The following ABCA10 variants were observed in gnomAD, a reference collection of about 807,000 sequenced individuals.
ABCA10 encodes the protein ATP binding cassette subfamily A member 10, also known as ATP-binding cassette sub-family A member 10.
Under a neutral mutation model 187.5 loss-of-function variants are expected in ABCA10, and 169 were observed. The observed-to-expected ratio is 0.90, with a 90% CI of 0.80 to 1.02. The LOEUF (loss-of-function observed/expected upper bound fraction) is 1.02. Ranked by LOEUF, ABCA10 falls within the 50% of genes least tolerant of loss-of-function variation. The pLI is 0.00. For missense variants in ABCA10, 1,727 were observed against 1,812.4 expected (o/e 0.95, Z 0.86); for synonymous variants, 574 against 601.8 (o/e 0.95, Z 0.68).
intron 5 of ABCA10, 117 bp downstream of exon 5, chr17:69,221,675 G>T: frequency 2.2e-6 from 2 of 904,724 alleles, no homozygotes; most frequent in Non-Finnish European, 3.2e-6. Flanking sequence ...TTTCTCTGAG[G>T]ATGACAGGCA....
chr17:69,174,392 C>T lies in ABCA10; in HGVS notation c.3051G>A (p.Val1017=), dbSNP rs1315107902. 4 of 1,580,530 alleles carry T rather than the reference C, an allele frequency of 2.5e-6. No individual in the cohort carries two copies. The highest frequency in any genetic ancestry group is 3.4e-6 in the Non-Finnish European group (4 of 1,164,168). The part of the protein sequence containing the change: ...QLSWELMFVL[V]VCIIGCAVSL... ...AAACTGCACAACCAATTATGCATAC[C>T]ACCTGCAAATAATGAGGATCAATGG... is the stretch of plus-strand genomic sequence containing the variant. Residue 1017 remains valine (V), a splice_region_variant and synonymous_variant, in exon 25 of 39, where the codon GTG becomes GTA. Transcript: ENST00000690296.
intron 20 of ABCA10, among the ~76,000 whole-genome samples, chr17:69,184,052 G>A (rs2074401931): frequency 6.6e-6 from 1 of 152,074 alleles, no homozygotes; most frequent in South Asian, 2.1e-4. Flanking sequence ...CCACTTTGCG[G>A]GCTGTGTGGG....
intron 7 of ABCA10, 37 bp from the exon 8 acceptor site, chr17:69,216,037 C>T (rs1273079874): frequency 6.3e-7 from 1 of 1,580,538 alleles, no homozygotes; most frequent in Middle Eastern, 1.7e-4. Flanking sequence ...TATATTTTTC[C>T]TTGAAGATTC....
intron 22 of ABCA10, among the ~76,000 whole-genome samples, chr17:69,178,125 C>A (rs1363483588): frequency 6.6e-6 from 1 of 150,536 alleles, no homozygotes; most frequent in Non-Finnish European, 1.5e-5. Context: ...GACCAGGAAG[C>A]AATATCAGGC....
intron 1 of ABCA10, chr17:69,244,176 C>A (rs2074925476): frequency 6.6e-6 from 1 of 152,022 alleles, no homozygotes; most frequent in Middle Eastern, 3.2e-3. Context: ...CAAAAAAATA[C>A]ATTCAAGACA....
chr17:69,181,147 G>A (rs74001839), intron 22 of ABCA10, among the ~76,000 whole-genome samples: 14,264 of 152,124 alleles, frequency 0.094, 2,302 homozygotes, highest in African/African-American at 0.32. Flanking sequence ...ATATGTGGGT[G>A]TGTATACATA....
intron 27 of ABCA10, among the ~76,000 whole-genome samples, chr17:69,158,424 T>C (rs2074191028): frequency 6.6e-6 from 1 of 151,966 alleles, no homozygotes; most frequent in South Asian, 2.1e-4. Context: ...AATTTTATAT[T>C]TTTGTATAGA....
intron 24 of ABCA10, 22 bp from the exon 25 acceptor site, chr17:69,174,416 G>A (rs2074318539): frequency 1.3e-6 from 2 of 1,548,344 alleles, no homozygotes; most frequent in African/African-American, 2.8e-5. Flanking sequence ...GAGGATCAAT[G>A]GCAAGATTAG....
At chr17:69,186,696 G>A (rs896673998) in intron 19 of ABCA10, among the ~76,000 whole-genome samples, 4 of 152,010 alleles carry the variant, frequency 2.6e-5, no homozygotes, top group South Asian at 2.1e-4. Context: ...TGGCTTAAAC[G>A]TAACAATTTC....
intron 9 of ABCA10, among the ~76,000 whole-genome samples, chr17:69,213,061 G>T (rs764469412): frequency 6.6e-6 from 1 of 152,210 alleles, no homozygotes; most frequent in Non-Finnish European, 1.5e-5. Flanking sequence ...CCTCTGGTTA[G>T]CCAGGGTGTT....
chr17:69,243,847 G>A (rs532658173), intron 1 of ABCA10, among the ~76,000 whole-genome samples: 5 of 152,266 alleles, frequency 3.3e-5, no homozygotes, highest in African/African-American at 9.6e-5. Flanking sequence ...GCAGTGAGCC[G>A]GGATTGTGCC....
At chr17:69,184,048 T>G (rs1047452175) in intron 20 of ABCA10, among the ~76,000 whole-genome samples, 6 of 152,090 alleles carry the variant, frequency 3.9e-5, no homozygotes, top group African/African-American at 1.4e-4. Context: ...GAGACCACTT[T>G]GCGGGCTGTG....
chr17:69,227,109 T>TATATATA (rs2074799837), intron 2 of ABCA10, 36 bp downstream of exon 2: 1 of 87,502 alleles, frequency 1.1e-5, no homozygotes, highest in Admixed American at 1.1e-4. Flanking sequence ...CATTTATTAA[T>TATATATA]TATGGATATA....
chr17:69,177,969 A>ATATATATATATATATATGTT (rs1293769286), intron 22 of ABCA10, among the ~76,000 whole-genome samples: 1 of 54,964 alleles, frequency 1.8e-5, no homozygotes, highest in African/African-American at 3.9e-5. Context: ...AAAAAAAAAA[A>ATATATATATATATATATGTT]AAAAATATAT....
rs909672902 is a variant in ABCA10, at chr17:69,151,968, G to C, written c.4397+75C>G. 9.7e-6 allele frequency: 15 copies of C among 1,539,664 alleles called. No individual in the cohort carries two copies. The African/African-American group carries it at 1.9e-4, about 20-fold the overall frequency. On this transcript the variant is annotated intron_variant, in intron 36 of 38. Coordinates refer to ENST00000690296, the MANE Select transcript of ABCA10 (RefSeq NM_001377321.1). Reference sequence around the variant, plus strand: ...CACTCTGCCTTTCTCTTCCGGTTTAGACTAGCACAAAACTAATTGATGCTA... The same window carrying C: ...CACTCTGCCTTTCTCTTCCGGTTTACACTAGCACAAAACTAATTGATGCTA...
At position 69,174,334 on chromosome 17, in the gene ABCA10, T is replaced by C. The variant is rs1568055760; in HGVS notation, c.3109A>G (p.Ile1037Val). The C allele has an allele frequency of 6.2e-7, 1 of 1,607,396 alleles. No homozygotes were observed. Among genetic ancestry groups the C allele is most frequent in the South Asian group, 1.1e-5 (1 of 89,050 alleles). ...LIFLTYVLSF[I>V]FRKWRKNNGF... ...TTATTTTTTCTCCACTTGCGAAAGA[T>C]GAATGAAAGCACATATGTGAGGAAT... The change falls in exon 25 of 39, where the codon ATC (isoleucine) becomes GTC (valine). Residue 1037 changes from isoleucine to valine, a missense_variant. Coordinates refer to ENST00000690296, the MANE Select transcript of ABCA10 (RefSeq NM_001377321.1).
At chr17:69,161,557 C>T (rs372708828) in intron 27 of ABCA10, among the ~76,000 whole-genome samples, 5 of 152,040 alleles carry the variant, frequency 3.3e-5, no homozygotes, top group African/African-American at 9.7e-5. Context: ...TAGGCCTGGC[C>T]GTTAAAACAA....
At position 69,182,179 on chromosome 17, in the gene ABCA10, G is replaced by A; in HGVS notation, c.2743C>T (p.Gln915Ter). The A allele has an allele frequency of 6.3e-7, 1 of 1,587,426 alleles. No individual in the cohort carries two copies. Among genetic ancestry groups the A allele is most frequent in the South Asian group, 1.2e-5 (1 of 86,724 alleles). ...CGAGAAAATGAAGTGCTCTCCATTT[G>A]AATAAGCTCCGTGAAGTTAAAAATT... ...MGIFNFTELI[Q>*]MESTSFSRDD... Residue 915 changes from glutamine (Q) to a stop codon, truncating the protein, a stop_gained, in exon 22 of 39, where the codon CAA becomes TAA. Transcript: ENST00000690296. LOFTEE classifies it high-confidence loss of function.
At chr17:69,211,336 T>TC (rs1467921457) in intron 9 of ABCA10, among the ~76,000 whole-genome samples, 5 of 117,506 alleles carry the variant, frequency 4.3e-5, no homozygotes, top group Non-Finnish European at 5.0e-5. Context: ...TATATATATA[T>TC]ATATATATAT....
Sources: allele counts gnomAD v4.1 joint callset (sites outside exome capture counted in the v4.1 genomes callset), GRCh38; gene constraint gnomAD v4.1.1; transcripts MANE v1.5; gene names NCBI Gene and HGNC (gene_info 2026-07-23, HGNC 2026-07-21).